Variants in DYRK2 observed in about 807,000 individuals in gnomAD.
The protein encoded by DYRK2 is dual specificity tyrosine-phosphorylation-regulated kinase 2.
Under a neutral mutation model 41.6 loss-of-function variants are expected in DYRK2, and 12 were observed. The observed-to-expected ratio is 0.29, with a 90% CI of 0.18 to 0.47. The LOEUF (loss-of-function observed/expected upper bound fraction) is 0.47. Ranked by LOEUF, DYRK2 falls within the 20% of genes least tolerant of loss-of-function variation. The pLI is 1.00. For missense variants in DYRK2, 678 were observed against 798.4 expected, an observed-to-expected ratio of 0.85 and a Z score of 1.82; for synonymous variants, 322 against 315.7, an observed-to-expected ratio of 1.02 and a Z score of -0.21.
rs369286859 is a variant in DYRK2 at position 67,664,499 on chromosome 12, T to A, written c.*5786T>A. The A allele has an allele frequency of 5.3e-5, 8 of 152,300 alleles. No individual in the cohort carries two copies. The East Asian group carries it at 1.5e-3, about 29-fold the overall frequency. 9.4% of individuals were successfully genotyped at this position (152,300 alleles called of 1,614,324 possible). A position where few individuals can be genotyped will look rare whatever the true frequency, so the allele number is the denominator to read the frequency against. On this transcript the variant is annotated 3_prime_UTR_variant, in exon 3 of 3. Coordinates refer to ENST00000344096, the MANE Select transcript of DYRK2 (RefSeq NM_006482.3). Reference sequence around the variant, plus strand: ...ATGTTGGATGAACATCAGTTTATCCTTATACATCCCTATGAGCTATAATTA... The same window carrying A: ...ATGTTGGATGAACATCAGTTTATCCATATACATCCCTATGAGCTATAATTA...
chr12:67,652,329 G>A (rs1229690532), intron 2 of DYRK2, among the ~76,000 whole-genome samples: 4 of 152,004 alleles, frequency 2.6e-5, no homozygotes, highest in Non-Finnish European at 5.9e-5. Flanking sequence ...ATTAATAGAA[G>A]TATTTTTAAA....
Position 67,662,318 on chromosome 12 carries a change from A to G in DYRK2, c.*3605A>G, listed in dbSNP as rs368628107. ...GACATACATAAAATTAATTGTAATT[A>G]TACTCAGCTCAACTGCTACAGTTCT... is the stretch of plus-strand genomic sequence containing the variant. On this transcript the variant is annotated 3_prime_UTR_variant, in exon 3 of 3. Transcript: ENST00000344096. 6.0e-6 allele frequency: 1 copy of G among 167,042 alleles called. No homozygotes were observed. Among genetic ancestry groups the G allele is most frequent in the East Asian group, 1.9e-4 (1 of 5,204 alleles). 10.3% of individuals were successfully genotyped at this position (167,042 alleles called of 1,614,324 possible). A position where few individuals can be genotyped will look rare whatever the true frequency, so the allele number is the denominator to read the frequency against.
rs562601227 is a variant in DYRK2, at chr12:67,661,798, T to A, written c.*3085T>A. On this transcript the variant is annotated 3_prime_UTR_variant, in exon 3 of 3. Transcript: ENST00000344096. Reference sequence around the variant, plus strand: ...CTTAACATCAGACTGATTTTTACATTTTTTTTTTGTTATGCTAACACTAGA... The same window carrying A: ...CTTAACATCAGACTGATTTTTACATATTTTTTTTGTTATGCTAACACTAGA... 2,824 of 145,762 alleles carry A rather than the reference T, an allele frequency of 0.019. 82 individuals are homozygous for A. The highest frequency in any genetic ancestry group is 0.12 in the African/African-American group (2,603 of 22,624). The allele number at this position is 145,762 out of a possible 1,614,324, so 9.0% of individuals were successfully genotyped here. A position where few individuals can be genotyped will look rare whatever the true frequency, so the allele number is the denominator to read the frequency against.
intron 2 of DYRK2, among the ~76,000 whole-genome samples, chr12:67,652,342 C>A (rs1872345541): frequency 6.6e-6 from 1 of 151,824 alleles, no homozygotes; most frequent in Non-Finnish European, 1.5e-5. Flanking sequence ...TTTTTAAATT[C>A]AAAAATATTA....
Position 67,657,537 on chromosome 12 carries a change from T to C in DYRK2, c.630T>C (p.Tyr210=), listed in dbSNP as rs745918415. 2 of 1,614,096 alleles carry C rather than the reference T, an allele frequency of 1.2e-6. No individual in the cohort carries two copies. Among genetic ancestry groups the C allele is most frequent in the South Asian group, 1.1e-5 (1 of 91,062 alleles). The part of the protein sequence containing the change: ...NGGYDDDQGS[Y]VQVPHDHVAY... Reference sequence around the variant, plus strand: ...GCTATGATGATGACCAGGGATCATATGTGCAGGTGCCCCACGATCACGTGG... The same window carrying C: ...GCTATGATGATGACCAGGGATCATACGTGCAGGTGCCCCACGATCACGTGG... Residue 210 remains tyrosine, a synonymous_variant, in exon 3 of 3, where the codon TAT becomes TAC. Transcript: ENST00000344096. The surrounding 1 kb of genome is among the most constrained non-coding windows in gnomAD (Gnocchi z 4.8).
Position 67,649,939 on chromosome 12 carries a change from C to T in DYRK2, c.192C>T (p.Ala64=), listed in dbSNP as rs539362642. ...GGGCCAGCAACGCTGCCGCCGCAGCCCACACGGTGAGACCCAGCCCGCGGG... is the reference window on the plus strand; with the variant it reads ...GGGCCAGCAACGCTGCCGCCGCAGCTCACACGGTGAGACCCAGCCCGCGGG... ...PLRASNAAAA[A]HTIGGSKHTM... The change falls in exon 2 of 3, where the codon GCC becomes GCT. Residue 64 remains alanine (A), a synonymous_variant. Coordinates refer to ENST00000344096, the MANE Select transcript of DYRK2 (RefSeq NM_006482.3). 4.4e-6 allele frequency: 6 copies of T among 1,373,632 alleles called. No homozygotes were observed. In the African/African-American group the frequency reaches 4.6e-5, roughly 10 times the overall value. The allele number at this position is 1,373,632 out of a possible 1,614,324, so 85.1% of individuals were successfully genotyped here. A position where few individuals can be genotyped will look rare whatever the true frequency, so the allele number is the denominator to read the frequency against.
At position 67,663,819 on chromosome 12, in the gene DYRK2, GTC is replaced by G. The variant is rs1214646383; in HGVS notation, c.*5110_*5111del. On this transcript the variant is annotated 3_prime_UTR_variant, in exon 3 of 3. Transcript: ENST00000344096. ...TTGATCAATGTGCAATTCTGTTTGAGTCTCTACAGTCCTATCCCTTTTGGAAT... is the reference window on the plus strand; with the variant it reads ...TTGATCAATGTGCAATTCTGTTTGAGTCTACAGTCCTATCCCTTTTGGAAT... The G allele has an allele frequency of 6.6e-6, 1 of 152,096 alleles. No individual in the cohort carries two copies. Among genetic ancestry groups the G allele is most frequent in the South Asian group, 2.1e-4 (1 of 4,830 alleles). 9.4% of individuals were successfully genotyped at this position (152,096 alleles called of 1,614,324 possible). A position where few individuals can be genotyped will look rare whatever the true frequency, so the allele number is the denominator to read the frequency against.
chr12:67,654,552 T>G (rs1280862275), intron 2 of DYRK2, among the ~76,000 whole-genome samples: 2 of 151,998 alleles, frequency 1.3e-5, no homozygotes, highest in Non-Finnish European at 2.9e-5. Context: ...GATGAGGCAG[T>G]GTTGATGGAA....
At position 67,661,996 on chromosome 12, in the gene DYRK2, A is replaced by C. The variant is rs1046627764; in HGVS notation, c.*3283A>C. On this transcript the variant is annotated 3_prime_UTR_variant, in exon 3 of 3. Transcript: ENST00000344096. ...GGTGCAAGGCACTTAAGCCACTTTT[A>C]AACTTAATGGGTGGTTTGGGGTCGT... is the stretch of plus-strand genomic sequence containing the variant. 6.0e-6 allele frequency: 1 copy of C among 166,368 alleles called. No homozygotes were observed. The highest frequency in any genetic ancestry group is 1.5e-5 in the Non-Finnish European group (1 of 68,092). 10.3% of individuals were successfully genotyped at this position (166,368 alleles called of 1,614,324 possible).
chr12:67,656,486 T>TA (rs1429481574), intron 2 of DYRK2, among the ~76,000 whole-genome samples: 2 of 152,204 alleles, frequency 1.3e-5, no homozygotes, highest in East Asian at 3.9e-4. Context: ...GTCCATAAGA[T>TA]ACTATGGTAC....
chr12:67,650,009 C>A, intron 2 of DYRK2, 64 bp downstream of exon 2: 1 of 1,281,616 alleles, frequency 7.8e-7, no homozygotes, highest in South Asian at 2.6e-5. Flanking sequence ...CCGAAGCACC[C>A]GGACTTGGAG....
Position 67,658,382 on chromosome 12 carries a change from A to G in DYRK2, c.1475A>G (p.Glu492Gly). 6.2e-7 allele frequency: 1 copy of G among 1,606,746 alleles called. No individual in the cohort carries two copies. The highest frequency in any genetic ancestry group is 8.5e-7 in the Non-Finnish European group (1 of 1,176,812). Reference sequence around the variant, plus strand: ...AGGGGGAAACTGAGGGGCCCACCGGAGAGCAGAGAGTGGGGGAACGCGCTG... The same window carrying G: ...AGGGGGAAACTGAGGGGCCCACCGGGGAGCAGAGAGTGGGGGAACGCGCTG... ...SRRGKLRGPP[E>G]SREWGNALKG... The change falls in exon 3 of 3, where the codon GAG becomes GGG. Residue 492 changes from glutamate to glycine, a missense_variant. Glu to Gly is a moderately conservative substitution (Grantham distance 98, BLOSUM62 -2). Around this residue, in one of 2 missense-constraint regions of DYRK2, gnomAD observed 393 missense variants for 519.1 expected, o/e 0.76. Coordinates refer to ENST00000344096, the MANE Select transcript of DYRK2 (RefSeq NM_006482.3). This position sits in a 1 kb window ranked among gnomAD's most constrained non-coding sequence, Gnocchi z 4.3.
intron 2 of DYRK2, chr12:67,651,439 CT>C: frequency 2.8e-6 from 1 of 360,464 alleles, no homozygotes; most frequent in South Asian, 2.2e-5. Context: ...ATCAGAGCCT[CT>C]TTGCAATTGA....
Position 67,657,503 on chromosome 12 carries a change from A to G in DYRK2, c.596A>G (p.Asn199Ser), listed in dbSNP as rs142946655. 59 of 1,613,982 alleles carry G rather than the reference A, an allele frequency of 3.7e-5. No individual in the cohort carries two copies. In the African/African-American group the frequency reaches 7.2e-4, roughly 20 times the overall value. ...CGCCAGGGCATGACAGGTGGGCCCA[A>G]CAATGGTGGCTATGATGATGACCAG... is the stretch of plus-strand genomic sequence containing the variant. Reference protein sequence around the residue: ...KKRQGMTGGPNNGGYDDDQGS... With the variant: ...KKRQGMTGGPSNGGYDDDQGS... The change falls in exon 3 of 3, where the codon AAC (asparagine) becomes AGC (serine). Residue 199 changes from asparagine to serine, a missense_variant. Physicochemically the swap from Asn to Ser is conservative, Grantham distance 46. Transcript: ENST00000344096. The surrounding 1 kb of genome is among the most constrained non-coding windows in gnomAD (Gnocchi z 4.8).
rs757326786 is a variant in DYRK2, at chr12:67,660,322, G to A, written c.*1609G>A. 3 of 166,416 alleles carry A rather than the reference G, an allele frequency of 1.8e-5. No homozygotes were observed. Among genetic ancestry groups the A allele is most frequent in the Admixed American group, 6.6e-5 (1 of 15,242 alleles). 10.3% of individuals were successfully genotyped at this position (166,416 alleles called of 1,614,324 possible). A position where few individuals can be genotyped will look rare whatever the true frequency, so the allele number is the denominator to read the frequency against. On this transcript the variant is annotated 3_prime_UTR_variant, in exon 3 of 3. Coordinates refer to ENST00000344096, the MANE Select transcript of DYRK2 (RefSeq NM_006482.3). ...CCCCAGTGAGGCCAAGAAAGTTTCCGGTTAAGTTCTTTAATAATAATCCTA... is the reference window on the plus strand; with the variant it reads ...CCCCAGTGAGGCCAAGAAAGTTTCCAGTTAAGTTCTTTAATAATAATCCTA...
At position 67,658,702 on chromosome 12, in the gene DYRK2, C is replaced by G. The variant is rs1428340864; in HGVS notation, c.1795C>G (p.Leu599Val). 2 of 1,604,810 alleles carry G rather than the reference C, an allele frequency of 1.2e-6. No homozygotes were observed. The highest frequency in any genetic ancestry group is 4.5e-5 in the East Asian group (2 of 44,850). The change falls in exon 3 of 3, where the codon CTT becomes GTT. Residue 599 changes from leucine to valine, a missense_variant. Physicochemically the swap from Leu to Val is conservative, Grantham distance 32 (BLOSUM62 1). Coordinates refer to ENST00000344096, the MANE Select transcript of DYRK2 (RefSeq NM_006482.3). The surrounding 1 kb of genome is among the most constrained non-coding windows in gnomAD (Gnocchi z 4.3). Reference protein sequence around the residue: ...NIQQRTVLPKLVS With the variant: ...NIQQRTVLPKVVS ...TCAGCAGAGGACAGTGTTGCCAAAA[C>G]TTGTTAGCTGAGCTCACGTCCCCTG...
rs544733284 is a variant in DYRK2, at chr12:67,652,207, C to T, written c.198+2262C>T. The stretch of plus-strand genomic sequence containing the variant: ...ACCATTGCCCTTTTGTTTTATATCT[C>T]CATGTATAAGTTGTTTTACACTTTA... On this transcript the variant is annotated intron_variant, in intron 2 of 2. Transcript: ENST00000344096. Among the ~76,000 whole-genome samples the T allele has an allele frequency of 3.9e-5, 6 of 152,066 alleles. No individual in the cohort carries two copies. The East Asian group carries it at 9.7e-4, about 25-fold the overall frequency.
At position 67,660,171 on chromosome 12, in the gene DYRK2, T is replaced by C. The variant is rs1446451687; in HGVS notation, c.*1458T>C. Reference sequence around the variant, plus strand: ...ATTTTTTAGTATGTGCAATTTAATATAGAAAGATTTCTGCCTGTTTGGACA... The same window carrying C: ...ATTTTTTAGTATGTGCAATTTAATACAGAAAGATTTCTGCCTGTTTGGACA... On this transcript the variant is annotated 3_prime_UTR_variant, in exon 3 of 3. Transcript: ENST00000344096. 3 of 167,080 alleles carry C rather than the reference T, an allele frequency of 1.8e-5. No homozygotes were observed. The highest frequency in any genetic ancestry group is 1.3e-4 in the Admixed American group (2 of 15,284). 10.3% of individuals were successfully genotyped at this position (167,080 alleles called of 1,614,324 possible).
Position 67,658,334 on chromosome 12 carries a change from T to G in DYRK2, c.1427T>G (p.Val476Gly). Residue 476 changes from valine (V) to glycine (G), a missense_variant, in exon 3 of 3, where the codon GTC (valine) becomes GGC (glycine). Around this residue, in one of 2 missense-constraint regions of DYRK2, gnomAD observed 393 missense variants for 519.1 expected, o/e 0.76. Transcript: ENST00000344096. The surrounding 1 kb of genome is among the most constrained non-coding windows in gnomAD (Gnocchi z 4.3). Reference sequence around the variant, plus strand: ...ACGACTCTCTCAGATGGCTCTGTGGTCCTAAACGGAGGCCGTTCCCGGAGG... The same window carrying G: ...ACGACTCTCTCAGATGGCTCTGTGGGCCTAAACGGAGGCCGTTCCCGGAGG... The part of the protein sequence containing the change: ...TVTTLSDGSV[V>G]LNGGRSRRGK... The G allele has an allele frequency of 6.2e-7, 1 of 1,613,510 alleles. No homozygotes were observed. Among genetic ancestry groups the G allele is most frequent in the Non-Finnish European group, 8.5e-7 (1 of 1,179,702 alleles).
Sources: allele counts gnomAD v4.1 joint callset (sites outside exome capture counted in the v4.1 genomes callset), GRCh38; gene constraint gnomAD v4.1.1; regional missense constraint gnomAD v4.1.1; non-coding constraint Gnocchi (gnomAD v3.1); transcripts MANE v1.5; gene names NCBI Gene and HGNC (gene_info 2026-07-23, HGNC 2026-07-21).